POLR3D: variants seen among roughly 807,000 people sequenced by gnomAD.
The protein encoded by POLR3D is DNA-directed RNA polymerase III subunit RPC4.
In POLR3D, 42 loss-of-function variants were observed where a neutral mutation model predicts 44.5. The observed-to-expected ratio is 0.94, with a 90% CI of 0.74 to 1.22. The LOEUF (loss-of-function observed/expected upper bound fraction) is 1.22, where lower values mean the gene tolerates loss of function less well. POLR3D is among the 50% of genes most tolerant of loss of function. The pLI is 0.00. For missense variants in POLR3D, 507 were observed against 505.2 expected (o/e 1.00, Z -0.03); for synonymous variants, 217 against 198.1 (o/e 1.10, Z -0.80).
Position 22,247,987 on chromosome 8 carries a change from G to A in POLR3D, c.340G>A (p.Ala114Thr), listed in dbSNP as rs1830060036. The change falls in exon 4 of 9, where the codon GCT becomes ACT. Residue 114 changes from alanine to threonine, a missense_variant. Ala to Thr is a moderately conservative substitution (Grantham distance 58). Transcript: ENST00000306433. Reference sequence around the variant, plus strand: ...TCACTCCATCTTTGAGCAGGGCCCAGCTGAAATGATGAAGAAAAAAGGTAT... The same window carrying A: ...TCACTCCATCTTTGAGCAGGGCCCAACTGAAATGATGAAGAAAAAAGGTAT... ...QSHSIFEQGP[A>T]EMMKKKGNWD... The A allele has an allele frequency of 6.2e-7, 1 of 1,613,860 alleles. No homozygotes were observed. Among genetic ancestry groups the A allele is most frequent in the African/African-American group, 1.3e-5 (1 of 75,018 alleles).
In POLR3D at chr8:22,250,132, G is replaced by T; in HGVS notation, c.979G>T (p.Gly327Cys). The part of the protein sequence containing the change: ...TLADLTEGQV[G>C]KLLIRKSGRV... ...GGCTGACCTGACAGAGGGTCAGGTT[G>T]GCAAGCTACTCATCCGCAAGTCTGG... Residue 327 changes from glycine to cysteine, a missense_variant, in exon 8 of 9, where the codon GGC becomes TGC. Physicochemically the swap from Gly to Cys is radical, Grantham distance 159. Transcript: ENST00000306433. 6.2e-7 allele frequency: 1 copy of T among 1,614,142 alleles called. No individual in the cohort carries two copies. The highest frequency in any genetic ancestry group is 8.5e-7 in the Non-Finnish European group (1 of 1,180,006).
chr8:22,249,435 C>T (rs1013651899), intron 7 of POLR3D, 126 bp downstream of exon 7: 53 of 991,666 alleles, frequency 5.3e-5, no homozygotes, highest in Admixed American at 9.4e-5. Context: ...TTATTCTTGA[C>T]GCCTGCAAGA....
chr8:22,248,346 G>T, intron 5 of POLR3D, 68 bp downstream of exon 5: 1 of 1,590,826 alleles, frequency 6.3e-7, no homozygotes, highest in Non-Finnish European at 8.6e-7. Flanking sequence ...GGGGAGCCAG[G>T]TGAGGGGTAG....
rs4872455 is a variant in POLR3D, at chr8:22,254,283, A to C, written c.*3765A>C. On this transcript the variant is annotated 3_prime_UTR_variant, in exon 9 of 9. Transcript: ENST00000306433. ...ATTTCATTGTATTTTATGACTGCTC[A>C]TGTATATTATTTCAGCCTCCAAAAT... 127 of 152,320 alleles carry C rather than the reference A, an allele frequency of 8.3e-4. No individual in the cohort carries two copies. Among genetic ancestry groups the C allele is most frequent in the African/African-American group, 2.5e-3 (102 of 41,584 alleles). The allele number at this position is 152,320 out of a possible 1,614,324, so 9.4% of individuals were successfully genotyped here. A position where few individuals can be genotyped will look rare whatever the true frequency, so the allele number is the denominator to read the frequency against.
rs1563322494 is a variant in POLR3D, at chr8:22,252,516, C to CA, written c.*1998_*1999insA. The CA allele has an allele frequency of 6.6e-6, 1 of 152,218 alleles. No individual in the cohort carries two copies. The highest frequency in any genetic ancestry group is 1.5e-5 in the Non-Finnish European group (1 of 68,050). The allele number at this position is 152,218 out of a possible 1,614,324, so 9.4% of individuals were successfully genotyped here. ...ACGTTCATTTCGCCCATTCAGATGTCTTGGCTTGAACCTTATGACTCCGTA... is the reference window on the plus strand; with the variant it reads ...ACGTTCATTTCGCCCATTCAGATGTCATTGGCTTGAACCTTATGACTCCGTA... On this transcript the variant is annotated 3_prime_UTR_variant, in exon 9 of 9. Coordinates refer to ENST00000306433, the MANE Select transcript of POLR3D (RefSeq NM_001722.3).
chr8:22,248,694 C>T (rs1830068603), intron 6 of POLR3D, 45 bp downstream of exon 6: 2 of 1,567,128 alleles, frequency 1.3e-6, no homozygotes, highest in African/African-American at 1.3e-5. Flanking sequence ...ATGGCTGCTC[C>T]CCAGGAATCC....
At chr8:22,245,305 T>C (rs749262191) in intron 1 of POLR3D, 122 bp downstream of exon 1, 51 of 558,074 alleles carry the variant, frequency 9.1e-5, no homozygotes, top group Non-Finnish European at 1.4e-4. Flanking sequence ...GTCCCGGGAG[T>C]CTCGCCACGT....
chr8:22,246,079 A>C (rs1047311766), intron 2 of POLR3D, among the ~76,000 whole-genome samples: 4 of 152,164 alleles, frequency 2.6e-5, no homozygotes, highest in South Asian at 2.1e-4. Flanking sequence ...AGAGTAGCCC[A>C]GAAAGGGGTG....
chr8:22,247,170 A>C (rs1160156103), intron 2 of POLR3D, 51 bp from the exon 3 acceptor site: 2 of 1,419,198 alleles, frequency 1.4e-6, no homozygotes, highest in Middle Eastern at 1.8e-4. Flanking sequence ...TTTCCTCTGT[A>C]CTTTGGGGTC....
At chr8:22,249,677 C>G (rs377710333) in intron 7 of POLR3D, among the ~76,000 whole-genome samples, 1 of 152,092 alleles carries the variant, frequency 6.6e-6, no homozygotes, top group Admixed American at 6.6e-5. Flanking sequence ...CAAAAATTAG[C>G]CAGGCATGGT....
At position 22,246,198 on chromosome 8, in the gene POLR3D, G is replaced by C. The variant is rs530911524; in HGVS notation, c.165+584G>C. ...GCTGGAGTGCAATGGCACGATCTCA[G>C]CTCACTGCAACCTCTGCCTCCCAGG... On this transcript the variant is annotated intron_variant, in intron 2 of 8. Transcript: ENST00000306433. Among the ~76,000 whole-genome samples the C allele has an allele frequency of 7.9e-5, 12 of 152,318 alleles. No homozygotes were observed. The South Asian group carries it at 2.5e-3, about 32-fold the overall frequency.
At position 22,245,615 on chromosome 8, in the gene POLR3D, G is replaced by GTACC. The variant is rs1219323337; in HGVS notation, c.165+2_165+5dup. On this transcript the variant is annotated splice_donor_variant, in intron 2 of 8. Coordinates refer to ENST00000306433, the MANE Select transcript of POLR3D (RefSeq NM_001722.3). LOFTEE classifies it high-confidence loss of function. ...CCTCACCCTCGGGGGAGTCAAGAAG[G>GTACC]TACCCAACGGCGCGTTTCTAAAGAA... 1.6e-6 allele frequency: 2 copies of GTACC among 1,254,166 alleles called. No homozygotes were observed. The highest frequency in any genetic ancestry group is 2.0e-6 in the Non-Finnish European group (2 of 991,114). 77.7% of individuals were successfully genotyped at this position (1,254,166 alleles called of 1,614,324 possible).
Position 22,252,451 on chromosome 8 carries a change from C to T in POLR3D, c.*1933C>T, listed in dbSNP as rs1055530140. The T allele has an allele frequency of 2.0e-5, 3 of 152,284 alleles. No homozygotes were observed. The highest frequency in any genetic ancestry group is 4.4e-5 in the Non-Finnish European group (3 of 68,046). 9.4% of individuals were successfully genotyped at this position (152,284 alleles called of 1,614,324 possible). On this transcript the variant is annotated 3_prime_UTR_variant, in exon 9 of 9. Transcript: ENST00000306433. The stretch of plus-strand genomic sequence containing the variant: ...TATTTTTCAATCTTCTGTTTTCTGA[C>T]CCTTCCAAGAAAGTTTGAGGAAGAA...
At position 22,250,933 on chromosome 8, in the gene POLR3D, G is replaced by C. The variant is rs1026601079; in HGVS notation, c.*415G>C. The stretch of plus-strand genomic sequence containing the variant: ...GTCCTCCTGGAGGCAGTATAGGAGA[G>C]AGAGCAAGGATTGAGTCTGAGACTT... On this transcript the variant is annotated 3_prime_UTR_variant, in exon 9 of 9. Coordinates refer to ENST00000306433, the MANE Select transcript of POLR3D (RefSeq NM_001722.3). 4.7e-6 allele frequency: 1 copy of C among 214,538 alleles called. No individual in the cohort carries two copies. Among genetic ancestry groups the C allele is most frequent in the Non-Finnish European group, 9.7e-6 (1 of 103,150 alleles). 13.3% of individuals were successfully genotyped at this position (214,538 alleles called of 1,614,324 possible).
intron 3 of POLR3D, 88 bp downstream of exon 3, chr8:22,247,352 C>A: frequency 1.0e-6 from 1 of 974,414 alleles, no homozygotes; most frequent in Non-Finnish European, 1.6e-6. Flanking sequence ...TTTGTAGCTC[C>A]AAAATTTAAA....
intron 8 of POLR3D, 38 bp downstream of exon 8, chr8:22,250,265 G>C (rs200576281): frequency 7.8e-5 from 126 of 1,612,614 alleles, no homozygotes; most frequent in Non-Finnish European, 9.8e-5. Context: ...GACCCTTTCA[G>C]GAGTGAAGGA....
chr8:22,249,691 G>T (rs993651519), intron 7 of POLR3D, among the ~76,000 whole-genome samples: 1 of 152,082 alleles, frequency 6.6e-6, no homozygotes, highest in African/African-American at 2.4e-5. Flanking sequence ...GCATGGTGGC[G>T]TGTGCCTGTA....
intron 1 of POLR3D, 81 bp from the exon 2 acceptor site, chr8:22,245,364 A>C: frequency 2.8e-6 from 3 of 1,063,942 alleles, no homozygotes; most frequent in Non-Finnish European, 3.7e-6. Flanking sequence ...CGACTGGGGG[A>C]CCGGAAAGCA....
chr8:22,250,763 G>T lies in POLR3D; in HGVS notation c.*245G>T. The stretch of plus-strand genomic sequence containing the variant: ...GGACTTGGCCCTGCTATTTATTTTT[G>T]TATTTATGTCTTAATCTCTTCCACT... On this transcript the variant is annotated 3_prime_UTR_variant, in exon 9 of 9. Transcript: ENST00000306433. The T allele has an allele frequency of 1.9e-6, 1 of 524,220 alleles. No homozygotes were observed. Among genetic ancestry groups the T allele is most frequent in the South Asian group, 2.1e-5 (1 of 47,996 alleles). 32.5% of individuals were successfully genotyped at this position (524,220 alleles called of 1,614,324 possible).
Sources: allele counts gnomAD v4.1 joint callset (sites outside exome capture counted in the v4.1 genomes callset), GRCh38; gene constraint gnomAD v4.1.1; transcripts MANE v1.5; gene names NCBI Gene and HGNC (gene_info 2026-07-23, HGNC 2026-07-21).